The following PCCB variants were observed in gnomAD, a reference collection of about 807,000 sequenced individuals.
The protein encoded by PCCB is propionyl-CoA carboxylase beta chain, mitochondrial.
A neutral mutation model predicts 60.7 loss-of-function variants in PCCB; 43 were observed. The observed-to-expected ratio is 0.71, with a 90% CI of 0.55 to 0.91. The LOEUF is 0.91. Among genes scored for constraint, PCCB ranks in the 40% least tolerant of loss-of-function variants. PCCB has a pLI of 0.00. For synonymous variants in PCCB, 276 were observed against 255.9 expected (o/e 1.08, Z -0.75); for missense variants, 766 against 702.8 (o/e 1.09, Z -1.02).
intron 14 of PCCB, among the ~76,000 whole-genome samples, 170 bp from the exon 15 acceptor site, chr3:136,329,735 G>A (rs942467770): frequency 2.0e-5 from 3 of 152,252 alleles, no homozygotes; most frequent in African/African-American, 4.8e-5. Flanking sequence ...GTCAGAACAG[G>A]CCAGCTCCTG....
At chr3:136,251,613 T>C (rs1051128241) in intron 1 of PCCB, among the ~76,000 whole-genome samples, 26 of 152,178 alleles carry the variant, frequency 1.7e-4, no homozygotes, top group Admixed American at 1.7e-3. Flanking sequence ...TTTGTGGTGC[T>C]AGGAGTGCTT....
Position 136,259,310 on chromosome 3 carries a change from C to G in PCCB, c.373-1169C>G, listed in dbSNP as rs181483987. The G allele has an allele frequency of 2.5e-4, 108 of 439,938 alleles. No homozygotes were observed. The Admixed American group carries it at 4.4e-3, about 18-fold the overall frequency. 27.3% of individuals were successfully genotyped at this position (439,938 alleles called of 1,614,324 possible). A position where few individuals can be genotyped will look rare whatever the true frequency, so the allele number is the denominator to read the frequency against. ...GGCAAAACTGTCTCTAATAAAAATA[C>G]AAAAATTAGCTGGGCCTGGTGGCAC... is the stretch of plus-strand genomic sequence containing the variant. On this transcript the variant is annotated intron_variant, in intron 3 of 14. Transcript: ENST00000251654.
Position 136,252,346 on chromosome 3 carries a change from A to C in PCCB, c.183+1788A>C, listed in dbSNP as rs553437422. 1.8e-3 allele frequency: 801 copies of C among 454,914 alleles called. 2 individuals are homozygous for C. Among genetic ancestry groups the C allele is most frequent in the Non-Finnish European group, 2.7e-3 (607 of 226,422 alleles). The allele number at this position is 454,914 out of a possible 1,614,324, so 28.2% of individuals were successfully genotyped here. A position where few individuals can be genotyped will look rare whatever the true frequency, so the allele number is the denominator to read the frequency against. On this transcript the variant is annotated intron_variant, in intron 1 of 14. Coordinates refer to ENST00000251654, the MANE Select transcript of PCCB (RefSeq NM_000532.5). ...ACTGCAACTTCTGCTTCCCAGCTTC[A>C]AGCAATTCTCCTGCCTCAGCCTCCA...
intron 5 of PCCB, among the ~76,000 whole-genome samples, chr3:136,271,266 G>A (rs1942191524): frequency 6.6e-6 from 1 of 151,930 alleles, no homozygotes; most frequent in African/African-American, 2.4e-5. Context: ...TTTAAGTCTT[G>A]GAAGTCTGGT....
chr3:136,283,750 T>C (rs1284010827), intron 5 of PCCB, 87 bp from the exon 6 acceptor site: 1 of 954,760 alleles, frequency 1.0e-6, no homozygotes, highest in East Asian at 2.4e-5. Context: ...AAAAGCCAAA[T>C]GTTATCTTAT....
At chr3:136,258,958 T>C (rs1311806433) in intron 3 of PCCB, among the ~76,000 whole-genome samples, 1 of 152,012 alleles carries the variant, frequency 6.6e-6, no homozygotes, top group African/African-American at 2.4e-5. Flanking sequence ...GTGCTTTCAG[T>C]TCCCCCCAAA....
chr3:136,266,930 T>C (rs537398205), intron 5 of PCCB, among the ~76,000 whole-genome samples: 1 of 152,222 alleles, frequency 6.6e-6, no homozygotes, highest in East Asian at 1.9e-4. Flanking sequence ...TCCTCCAGGC[T>C]GGAGTTCAGT....
Position 136,327,528 on chromosome 3 carries a change from G to A in PCCB, c.1300-106G>A, listed in dbSNP as rs1935367841. The A allele has an allele frequency of 1.0e-5, 9 of 867,030 alleles. No individual in the cohort carries two copies. In the Admixed American group the frequency reaches 1.5e-4, roughly 15 times the overall value. The allele number at this position is 867,030 out of a possible 1,614,324, so 53.7% of individuals were successfully genotyped here. A position where few individuals can be genotyped will look rare whatever the true frequency, so the allele number is the denominator to read the frequency against. On this transcript the variant is annotated intron_variant, in intron 12 of 14. Transcript: ENST00000251654. ...CCGTGGGCCTTCAGGAGCCCAGTAGGGCTATTCTTGTTCTTTGTCCCAATT... is the reference window on the plus strand; with the variant it reads ...CCGTGGGCCTTCAGGAGCCCAGTAGAGCTATTCTTGTTCTTTGTCCCAATT...
At position 136,305,474 on chromosome 3, in the gene PCCB, C is replaced by T. The variant is rs1162281269; in HGVS notation, c.966+4363C>T. On this transcript the variant is annotated intron_variant, in intron 9 of 14. Transcript: ENST00000251654. ...TTTAAAAAAACTTCTTCTGGCCGGGCGTGGTGGCTCATGCCTGTAATTCCA... is the reference window on the plus strand; with the variant it reads ...TTTAAAAAAACTTCTTCTGGCCGGGTGTGGTGGCTCATGCCTGTAATTCCA... Among the ~76,000 whole-genome samples the T allele has an allele frequency of 1.7e-5, 2 of 120,422 alleles. 1 individual carries two copies. Among genetic ancestry groups the T allele is most frequent in the Non-Finnish European group, 3.7e-5 (2 of 54,284 alleles). 79.0% of individuals were successfully genotyped at this position (120,422 alleles called of 152,430 possible).
intron 7 of PCCB, among the ~76,000 whole-genome samples, chr3:136,294,774 T>C (rs966024482): frequency 6.6e-6 from 1 of 152,002 alleles, no homozygotes; most frequent in Middle Eastern, 3.2e-3. Context: ...CATACCCAGG[T>C]AATTTTTATT....
At chr3:136,319,596 C>T (rs1412237582) in intron 10 of PCCB, among the ~76,000 whole-genome samples, 1 of 152,116 alleles carries the variant, frequency 6.6e-6, no homozygotes, top group East Asian at 1.9e-4. Flanking sequence ...CGGGGTTTCG[C>T]CATGTTGGCC....
At chr3:136,290,547 A>C (rs149679696) in intron 6 of PCCB, among the ~76,000 whole-genome samples, 1 of 150,730 alleles carries the variant, frequency 6.6e-6, no homozygotes, top group Non-Finnish European at 1.5e-5. Flanking sequence ...TTTTTTAGAG[A>C]TGGGGGTCTC....
At chr3:136,295,041 A>G (rs751070752) in intron 7 of PCCB, among the ~76,000 whole-genome samples, 1 of 152,252 alleles carries the variant, frequency 6.6e-6, no homozygotes, top group East Asian at 1.9e-4. Flanking sequence ...GTAGGGCATG[A>G]TTCTGATATT....
At chr3:136,253,699 C>G (rs2108133680) in intron 1 of PCCB, among the ~76,000 whole-genome samples, 1 of 133,590 alleles carries the variant, frequency 7.5e-6, no homozygotes, top group East Asian at 2.4e-4. Context: ...GAGACAGGGT[C>G]TTACTCTGTC....
intron 10 of PCCB, among the ~76,000 whole-genome samples, chr3:136,318,806 G>A (rs1033467812): frequency 6.6e-6 from 1 of 152,052 alleles, no homozygotes; most frequent in Non-Finnish European, 1.5e-5. Context: ...TTGATTGATT[G>A]TCCATTTGTC....
At chr3:136,253,664 ATT>A (rs35923895) in intron 1 of PCCB, among the ~76,000 whole-genome samples, 13 of 123,440 alleles carry the variant, frequency 1.1e-4, no homozygotes, top group African/African-American at 1.2e-4. Context: ...GGATGACAGA[ATT>A]TTTTTTTTTT....
Position 136,283,923 on chromosome 3 carries a change from A to C in PCCB, c.630A>C (p.Leu210=), listed in dbSNP as rs1269554950. 1.7e-5 allele frequency: 28 copies of C among 1,611,884 alleles called. No individual in the cohort carries two copies. Among genetic ancestry groups the C allele is most frequent in the Non-Finnish European group, 2.3e-5 (27 of 1,178,092 alleles). Reference sequence around the variant, plus strand: ...GTGGGGCCGTCTACTCCCCAGCCCTAACAGACTTCACGTTCATGGTAAAGG... The same window carrying C: ...GTGGGGCCGTCTACTCCCCAGCCCTCACAGACTTCACGTTCATGGTAAAGG... ...CAGGAVYSPA[L]TDFTFMVKDT... Residue 210 remains leucine, a synonymous_variant, in exon 6 of 15, where the codon CTA becomes CTC. Coordinates refer to ENST00000251654, the MANE Select transcript of PCCB (RefSeq NM_000532.5).
chr3:136,282,712 C>T (rs1942513078), intron 5 of PCCB, among the ~76,000 whole-genome samples: 1 of 152,112 alleles, frequency 6.6e-6, no homozygotes, highest in South Asian at 2.1e-4. Context: ...TGTTTATAAT[C>T]ACATATTTAT....
At chr3:136,301,869 G>A (rs1934298321) in intron 9 of PCCB, among the ~76,000 whole-genome samples, 2 of 152,170 alleles carry the variant, frequency 1.3e-5, no homozygotes, top group Admixed American at 1.3e-4. Flanking sequence ...AGCCTTTGCA[G>A]GGGCACGTGC....
Sources: gnomAD v4.1 joint callset for allele counts (sites outside exome capture counted in the v4.1 genomes callset) on GRCh38, gnomAD v4.1.1 for gene constraint, MANE v1.5 for transcripts, NCBI Gene and HGNC (gene_info 2026-07-23, HGNC 2026-07-21) for gene names.